CELSR1: variants seen among roughly 807,000 people sequenced by gnomAD.
CELSR1 encodes cadherin EGF LAG seven-pass G-type receptor 1.
CELSR1 carries 110 observed loss-of-function variants against 249.1 expected under a neutral mutation model. The observed-to-expected ratio is 0.44, with a 90% CI of 0.38 to 0.52. The LOEUF is 0.52. Among genes scored for constraint, CELSR1 ranks in the 20% least tolerant of loss-of-function variants. CELSR1 has a pLI of 0.00. For missense variants in CELSR1, 4,109 were observed against 4,296.4 expected (o/e 0.96, Z 1.22); for synonymous variants, 2,113 against 1,900.0 (o/e 1.11, Z -2.92).
intron 25 of CELSR1, chr22:46,370,125 G>C (rs1022196927): frequency 8.3e-6 from 4 of 483,850 alleles, no homozygotes; most frequent in African/African-American, 5.9e-5. Flanking sequence ...GGATCGTGAA[G>C]GCAGACGGTG....
At chr22:46,439,886 G>C (rs997432332) in intron 2 of CELSR1, among the ~76,000 whole-genome samples, 1 of 152,100 alleles carries the variant, frequency 6.6e-6, no homozygotes, top group African/African-American at 2.4e-5. Flanking sequence ...ATGACCCAAA[G>C]GCCACCTTCT....
intron 1 of CELSR1, among the ~76,000 whole-genome samples, chr22:46,528,616 T>C (rs1432627950): frequency 6.6e-6 from 1 of 152,198 alleles, no homozygotes; most frequent in Non-Finnish European, 1.5e-5. Flanking sequence ...ATATATACCA[T>C]GGTGTACTAT....
At chr22:46,499,539 C>T (rs1298490904) in intron 1 of CELSR1, among the ~76,000 whole-genome samples, 5 of 152,164 alleles carry the variant, frequency 3.3e-5, no homozygotes, top group South Asian at 2.1e-4. Context: ...GCTTTAAACA[C>T]GATAAATCCA....
intron 5 of CELSR1, among the ~76,000 whole-genome samples, chr22:46,419,569 C>T (rs2079441291): frequency 6.6e-6 from 1 of 152,218 alleles, no homozygotes; most frequent in Non-Finnish European, 1.5e-5. Context: ...CTGAGCTCAG[C>T]CCCCACAACA....
Position 46,533,951 on chromosome 22 carries a change from C to T in CELSR1, c.3220G>A (p.Val1074Met), listed in dbSNP as rs780610616. 1 of 1,613,324 alleles carries T rather than the reference C, an allele frequency of 6.2e-7. No individual in the cohort carries two copies. Among genetic ancestry groups the T allele is most frequent in the Non-Finnish European group, 8.5e-7 (1 of 1,180,026 alleles). Reference protein sequence around the residue: ...FEVRREYVLVVQATSAPLVSR... With the variant: ...FEVRREYVLVMQATSAPLVSR... ...ACCAGCGGAGCCGACGTGGCCTGCA[C>T]CACCAGCACATACTCCCGCCGGACC... Residue 1074 changes from valine (V) to methionine (M), a missense_variant, in exon 1 of 35, where the codon GTG becomes ATG. Val to Met is a conservative substitution (Grantham distance 21). Around this residue, in one of 7 missense-constraint regions of CELSR1, gnomAD observed 886 missense variants for 896.5 expected, o/e 0.99. Coordinates refer to ENST00000674500, the MANE Select transcript of CELSR1 (RefSeq NM_001378328.1).
In CELSR1 at chr22:46,399,283, G is replaced by GTCTC. The variant is rs2079185310; in HGVS notation, c.5412+430_5412+433dup. Among the ~76,000 whole-genome samples the GTCTC allele has an allele frequency of 6.6e-6, 1 of 152,220 alleles. No homozygotes were observed. The highest frequency in any genetic ancestry group is 6.5e-5 in the Admixed American group (1 of 15,290). Reference sequence around the variant, plus strand: ...CCTGGGACATGTGTGGCTCCCTGGTGTCTCACAGGCCTGTCCAGGACCTGG... The same window carrying GTCTC: ...CCTGGGACATGTGTGGCTCCCTGGTGTCTCTCTCACAGGCCTGTCCAGGACCTGG... On this transcript the variant is annotated intron_variant, in intron 10 of 34. Transcript: ENST00000674500. The surrounding 1 kb of genome is among the most constrained non-coding windows in gnomAD (Gnocchi z 5.0).
At chr22:46,510,708 C>G (rs1196748928) in intron 1 of CELSR1, among the ~76,000 whole-genome samples, 1 of 152,176 alleles carries the variant, frequency 6.6e-6, no homozygotes, top group African/African-American at 2.4e-5. Context: ...CCTTTTGGTA[C>G]AGCCAAAATT....
intron 2 of CELSR1, among the ~76,000 whole-genome samples, chr22:46,449,894 A>G (rs1418612766): frequency 6.6e-6 from 1 of 152,176 alleles, no homozygotes; most frequent in Non-Finnish European, 1.5e-5. Flanking sequence ...CAAACCTGAG[A>G]AAGTACCTCC....
Position 46,364,152 on chromosome 22 carries a change from C to T in CELSR1, c.8879G>A (p.Ser2960Asn). ...LREKLADCEQSPTSSRTSSLG... is the reference protein window; with the variant it reads ...LREKLADCEQNPTSSRTSSLG... ...GGAAGACGTGCGCGAGGATGTGGGG[C>T]TCTGCTCACAGTCGGCCAGCTTCTC... The change falls in exon 34 of 35, where the codon AGC becomes AAC. Residue 2960 changes from serine (S) to asparagine (N), a missense_variant. Physicochemically the swap from Ser to Asn is conservative, Grantham distance 46. Coordinates refer to ENST00000674500, the MANE Select transcript of CELSR1 (RefSeq NM_001378328.1). 1.2e-6 allele frequency: 2 copies of T among 1,612,400 alleles called. No homozygotes were observed. Among genetic ancestry groups the T allele is most frequent in the Non-Finnish European group, 1.7e-6 (2 of 1,179,770 alleles).
rs528811758 is a variant in CELSR1 at position 46,411,838 on chromosome 22, G to A, written c.4612-79C>T. The A allele has an allele frequency of 2.3e-4, 360 of 1,577,396 alleles. 1 individual carries two copies. The African/African-American group carries it at 3.9e-3, about 17-fold the overall frequency. ...AGCAGGCGCACCTGTCACTCATAGA[G>A]CGAGGAGGACATGGCACAGGGTGGG... On this transcript the variant is annotated intron_variant, in intron 5 of 34. Coordinates refer to ENST00000674500, the MANE Select transcript of CELSR1 (RefSeq NM_001378328.1). This position sits in a 1 kb window ranked among gnomAD's most constrained non-coding sequence, Gnocchi z 4.2.
At chr22:46,442,794 T>C (rs1273952581) in intron 2 of CELSR1, among the ~76,000 whole-genome samples, 1 of 152,152 alleles carries the variant, frequency 6.6e-6, no homozygotes, top group African/African-American at 2.4e-5. Context: ...TTGCAACACC[T>C]AAGAATGTGT....
chr22:46,423,607 G>GAA lies in CELSR1; in HGVS notation c.4611+9784_4611+9785dup, dbSNP rs140667892. The stretch of plus-strand genomic sequence containing the variant: ...GCAACAGGAGCGAAACTTCGTCTCA[G>GAA]AAAAAAAAAAAAAAAAAGACTCCAT... On this transcript the variant is annotated intron_variant, in intron 5 of 34. Coordinates refer to ENST00000674500, the MANE Select transcript of CELSR1 (RefSeq NM_001378328.1). This position sits in a 1 kb window ranked among gnomAD's most constrained non-coding sequence, Gnocchi z 5.6. Among the ~76,000 whole-genome samples the GAA allele has an allele frequency of 0.019, 1,978 of 106,914 alleles. 54 individuals are homozygous for GAA. The highest frequency in any genetic ancestry group is 0.056 in the African/African-American group (1,764 of 31,688). The allele number at this position is 106,914 out of a possible 152,430, so 70.1% of individuals were successfully genotyped here.
rs1340036672 is a variant in CELSR1, at chr22:46,374,892, C to CCCGGGG, written c.7585-1841_7585-1836dup. 1.3e-5 allele frequency among the ~76,000 whole-genome samples: 2 copies of CCCGGGG among 152,170 alleles called. No homozygotes were observed. The highest frequency in any genetic ancestry group is 2.9e-5 in the Non-Finnish European group (2 of 68,022). On this transcript the variant is annotated intron_variant, in intron 24 of 34. Transcript: ENST00000674500. The surrounding 1 kb of genome is among the most constrained non-coding windows in gnomAD (Gnocchi z 4.3). ...GCCCCGCACACGGAGCCCCCGCCAG[C>CCCGGGG]CCGGGGCCTCGGCCTCGGGAAGCAC...
intron 2 of CELSR1, chr22:46,462,645 CAAAAA>C (rs10541493): frequency 0.015 from 2,450 of 164,350 alleles, 2 homozygotes; most frequent in South Asian, 0.057. Flanking sequence ...AGAGAGCTTT[CAAAAA>C]AAAAAAAAAA....
At position 46,396,930 on chromosome 22, in the gene CELSR1, G is replaced by A. The variant is rs9941956; in HGVS notation, c.5702-184C>T. 6.6e-6 allele frequency among the ~76,000 whole-genome samples: 1 copy of A among 152,178 alleles called. No individual in the cohort carries two copies. The highest frequency in any genetic ancestry group is 1.5e-5 in the Non-Finnish European group (1 of 68,036). On this transcript the variant is annotated intron_variant, in intron 12 of 34. Transcript: ENST00000674500. This position sits in a 1 kb window ranked among gnomAD's most constrained non-coding sequence, Gnocchi z 6.4. The stretch of plus-strand genomic sequence containing the variant: ...TAGGCGGGTTAGACTTAGTGATGCA[G>A]AGAGGAAGGCCTTCCCGGGCTGCCC...
intron 2 of CELSR1, among the ~76,000 whole-genome samples, chr22:46,460,151 G>A (rs2080004481): frequency 6.6e-6 from 1 of 151,500 alleles, no homozygotes; most frequent in African/African-American, 2.4e-5. Context: ...ACTCCAGCCT[G>A]GGTGACACAG....
At chr22:46,377,375 G>C (rs2147205509) in intron 23 of CELSR1, 114 bp from the exon 24 acceptor site, 1 of 1,206,318 alleles carries the variant, frequency 8.3e-7, no homozygotes, top group South Asian at 1.4e-5. Flanking sequence ...AAGGCTGGCA[G>C]GATCAGGCTG....
Position 46,536,801 on chromosome 22 carries a change from C to G in CELSR1, c.370G>C (p.Gly124Arg), listed in dbSNP as rs760248718. The G allele has an allele frequency of 1.7e-6, 2 of 1,194,510 alleles. No homozygotes were observed. The highest frequency in any genetic ancestry group is 3.8e-5 in the East Asian group (1 of 26,110). 74.0% of individuals were successfully genotyped at this position (1,194,510 alleles called of 1,614,324 possible). A position where few individuals can be genotyped will look rare whatever the true frequency, so the allele number is the denominator to read the frequency against. Residue 124 changes from glycine (G) to arginine (R), a missense_variant, in exon 1 of 35, where the codon GGT becomes CGT. This residue lies in a region of CELSR1 where 673 missense variants were observed against 636.8 expected (regional missense o/e 1.06). Coordinates refer to ENST00000674500, the MANE Select transcript of CELSR1 (RefSeq NM_001378328.1). Reference sequence around the variant, plus strand: ...CAGAGCGCCCCGCAGAGCCGGGCACCGGTTCCGCAGAGCCGGGCACGGGCT... The same window carrying G: ...CAGAGCGCCCCGCAGAGCCGGGCACGGGTTCCGCAGAGCCGGGCACGGGCT... ...CGARARLCGT[G>R]ARLCGALCFP... is the part of the protein sequence containing the mutation.
At chr22:46,481,668 G>C (rs1379660894) in intron 1 of CELSR1, 2 of 625,988 alleles carry the variant, frequency 3.2e-6, no homozygotes, top group Non-Finnish European at 2.9e-6. Flanking sequence ...GCATCTTCCA[G>C]ATGTTCTCTC....
Sources: allele counts gnomAD v4.1 joint callset (sites outside exome capture counted in the v4.1 genomes callset), GRCh38; gene constraint gnomAD v4.1.1; regional missense constraint gnomAD v4.1.1; non-coding constraint Gnocchi (gnomAD v3.1); transcripts MANE v1.5; gene names NCBI Gene and HGNC (gene_info 2026-07-23, HGNC 2026-07-21).